Variants in GRM7 observed in about 807,000 individuals in gnomAD.
GRM7 encodes metabotropic glutamate receptor 7.
GRM7 carries 35 observed loss-of-function variants against 84.5 expected under a neutral mutation model. That is an observed-to-expected ratio of 0.41 (90% CI 0.32 to 0.55). The LOEUF (loss-of-function observed/expected upper bound fraction) is 0.55. Among genes scored for constraint, GRM7 ranks in the 20% least tolerant of loss-of-function variants. GRM7 has a pLI of 0.19. For synonymous variants in GRM7, 487 were observed against 455.1 expected (o/e 1.07, Z -0.89); for missense variants, 1,003 against 1,194.6 (o/e 0.84, Z 2.36).
intron 7 of GRM7, among the ~76,000 whole-genome samples, chr3:7,493,067 A>T (rs1482211955): frequency 6.6e-6 from 1 of 152,040 alleles, no homozygotes; most frequent in African/African-American, 2.4e-5. Context: ...TTTAAATTTG[A>T]TGAAGTATGT....
intron 1 of GRM7, among the ~76,000 whole-genome samples, chr3:6,913,407 C>T (rs1459555196): frequency 6.6e-6 from 1 of 152,096 alleles, no homozygotes; most frequent in Non-Finnish European, 1.5e-5. Flanking sequence ...AGGTTACCAA[C>T]TTAGAAAAGT....
At chr3:6,872,638 G>A (rs887606177) in intron 1 of GRM7, among the ~76,000 whole-genome samples, 6 of 150,634 alleles carry the variant, frequency 4.0e-5, no homozygotes, top group African/African-American at 7.3e-5. Context: ...GACAGGCCCC[G>A]GTGTGTGATG....
intron 1 of GRM7, among the ~76,000 whole-genome samples, chr3:6,912,798 A>T (rs1336669711): frequency 2.6e-5 from 4 of 152,200 alleles, no homozygotes; most frequent in African/African-American, 9.6e-5. Context: ...AGATTGATTT[A>T]AAATAATTTT....
chr3:7,661,998 C>T (rs192459720), intron 8 of GRM7, among the ~76,000 whole-genome samples: 2 of 151,722 alleles, frequency 1.3e-5, no homozygotes, highest in Admixed American at 1.3e-4. Flanking sequence ...TGGAAGCAAC[C>T]CAAATGTCTG....
intron 1 of GRM7, among the ~76,000 whole-genome samples, chr3:7,145,786 G>T (rs1038096027): frequency 5.3e-5 from 8 of 152,086 alleles, no homozygotes; most frequent in African/African-American, 1.9e-4. Flanking sequence ...AGACAGTACT[G>T]CCAGCTCTCT....
chr3:7,077,911 T>G (rs1450861414), intron 1 of GRM7, among the ~76,000 whole-genome samples: 1 of 152,166 alleles, frequency 6.6e-6, no homozygotes, highest in African/African-American at 2.4e-5. Context: ...TGCTATGATT[T>G]AAAGCAGAGG....
chr3:7,554,864 T>C (rs1693682920), intron 7 of GRM7, among the ~76,000 whole-genome samples: 1 of 152,238 alleles, frequency 6.6e-6, no homozygotes, highest in African/African-American at 2.4e-5. Flanking sequence ...AAATACATGA[T>C]GGGCTTGGAA....
At chr3:6,930,084 C>A (rs191277701) in intron 1 of GRM7, among the ~76,000 whole-genome samples, 1 of 152,302 alleles carries the variant, frequency 6.6e-6, no homozygotes, top group Non-Finnish European at 1.5e-5. Context: ...GTGAGACAGA[C>A]TGTGTGGCAA....
At chr3:7,423,585 T>C (rs373301222) in intron 5 of GRM7, among the ~76,000 whole-genome samples, 54 of 152,208 alleles carry the variant, frequency 3.5e-4, no homozygotes, top group African/African-American at 1.3e-3. Context: ...ATCAAGCAAG[T>C]TACAGTAGAA....
At chr3:7,332,264 T>G (rs2125067305) in intron 4 of GRM7, among the ~76,000 whole-genome samples, 1 of 152,220 alleles carries the variant, frequency 6.6e-6, no homozygotes, top group Non-Finnish European at 1.5e-5. Flanking sequence ...TCCCAACAAC[T>G]TTGTGTGGGG....
intron 5 of GRM7, among the ~76,000 whole-genome samples, chr3:7,428,887 G>A (rs778058883): frequency 2.1e-4 from 32 of 152,080 alleles, no homozygotes; most frequent in Non-Finnish European, 3.7e-4. Flanking sequence ...CAGTGACTTC[G>A]TATCCTATCG....
At chr3:6,970,969 G>A (rs1290592914) in intron 1 of GRM7, among the ~76,000 whole-genome samples, 5 of 146,352 alleles carry the variant, frequency 3.4e-5, no homozygotes, top group Non-Finnish European at 7.4e-5. Context: ...GCCACAGAGC[G>A]AGACTCTGTC....
chr3:7,308,854 C>A (rs1269975847), intron 4 of GRM7, among the ~76,000 whole-genome samples: 1 of 152,116 alleles, frequency 6.6e-6, no homozygotes, highest in Non-Finnish European at 1.5e-5. Context: ...TTTTAGGGAA[C>A]TTACTGGGTT....
chr3:7,100,324 G>A (rs143661243), intron 1 of GRM7, among the ~76,000 whole-genome samples: 184 of 151,688 alleles, frequency 1.2e-3, no homozygotes, highest in African/African-American at 4.2e-3. Context: ...TTTCAGTTTA[G>A]GCACTTCCTG....
At chr3:7,053,658 T>C (rs1195479476) in intron 1 of GRM7, among the ~76,000 whole-genome samples, 1 of 151,668 alleles carries the variant, frequency 6.6e-6, no homozygotes, top group Non-Finnish European at 1.5e-5. Flanking sequence ...TTGCCTTCTT[T>C]TAAAATGAAT....
intron 8 of GRM7, among the ~76,000 whole-genome samples, chr3:7,581,971 G>A (rs1157355590): frequency 6.6e-6 from 1 of 152,006 alleles, no homozygotes; most frequent in Non-Finnish European, 1.5e-5. Flanking sequence ...ATGACTTCTA[G>A]AATGAGCATC....
intron 4 of GRM7, among the ~76,000 whole-genome samples, chr3:7,356,796 T>C (rs528169178): frequency 1.3e-5 from 2 of 152,128 alleles, no homozygotes; most frequent in Non-Finnish European, 2.9e-5. Context: ...TATTGTCAGC[T>C]TTCCTGGTTT....
In GRM7 at chr3:7,259,951, C is replaced by CTGTTTTTTTTTT. The variant is rs1553638846; in HGVS notation, c.737-38731_737-38720dup. 2.2e-4 allele frequency among the ~76,000 whole-genome samples: 3 copies of CTGTTTTTTTTTT among 13,420 alleles called. 1 individual carries two copies. The highest frequency in any genetic ancestry group is 5.5e-4 in the African/African-American group (1 of 1,826). The allele number at this position is 13,420 out of a possible 152,430, so 8.8% of individuals were successfully genotyped here. A position where few individuals can be genotyped will look rare whatever the true frequency, so the allele number is the denominator to read the frequency against. On this transcript the variant is annotated intron_variant, in intron 2 of 9. Coordinates refer to ENST00000357716, the MANE Select transcript of GRM7 (RefSeq NM_000844.4). ...CTTTTCTCTGCAACCTTACCAGCAT[C>CTGTTTTTTTTTT]TGTTTTTTTTTTTTGACGTTTTAAT...
chr3:7,237,641 T>C (rs1697393970), intron 2 of GRM7, among the ~76,000 whole-genome samples: 1 of 152,156 alleles, frequency 6.6e-6, no homozygotes, highest in African/African-American at 2.4e-5. Flanking sequence ...CAGTGAGTGT[T>C]ACAGCTCATA....
Sources: gnomAD v4.1 joint callset for allele counts (sites outside exome capture counted in the v4.1 genomes callset) on GRCh38, gnomAD v4.1.1 for gene constraint, MANE v1.5 for transcripts, NCBI Gene and HGNC (gene_info 2026-07-23, HGNC 2026-07-21) for gene names.